The following SUMF1 variants were observed in gnomAD, a reference collection of about 807,000 sequenced individuals.
The protein encoded by SUMF1 is sulfatase modifying factor 1.
In SUMF1, 48 loss-of-function variants were observed where a neutral mutation model predicts 47.6. The observed-to-expected ratio is 1.01, with a 90% CI of 0.80 to 1.28. The LOEUF is 1.28. Ranked by LOEUF, SUMF1 falls within the 50% of genes most tolerant of loss-of-function variation. The probability of loss-of-function intolerance (pLI) is 0.00; values close to 1 mark genes in which losing one functional copy is unlikely to be tolerated. For synonymous variants in SUMF1, 230 were observed against 192.1 expected (o/e 1.20, Z -1.63); for missense variants, 571 against 485.4 (o/e 1.18, Z -1.66).
chr3:4,406,509 T>A (rs1251200934), intron 7 of SUMF1, among the ~76,000 whole-genome samples: 1 of 151,976 alleles, frequency 6.6e-6, no homozygotes, highest in Non-Finnish European at 1.5e-5. Context: ...TACAAAAAAA[T>A]TAGCTGGGTG....
At chr3:4,047,934 G>A (rs979368976) in intron 9 of SUMF1, among the ~76,000 whole-genome samples, 11 of 151,922 alleles carry the variant, frequency 7.2e-5, no homozygotes, top group African/African-American at 2.4e-4. Flanking sequence ...TCTTTACCTC[G>A]ATCCTATGGC....
At chr3:4,253,921 C>G (rs535638262) in intron 8 of SUMF1, among the ~76,000 whole-genome samples, 1 of 150,190 alleles carries the variant, frequency 6.7e-6, no homozygotes, top group East Asian at 2.0e-4. Flanking sequence ...GATCTGAGAA[C>G]TGGCAGACTG....
intron 3 of SUMF1, among the ~76,000 whole-genome samples, chr3:4,435,761 T>C (rs558203999): frequency 6.6e-6 from 1 of 152,316 alleles, no homozygotes; most frequent in South Asian, 2.1e-4. Flanking sequence ...AGAAAGGACC[T>C]GCCAGCTCAG....
intron 8 of SUMF1, among the ~76,000 whole-genome samples, chr3:4,070,687 G>A (rs1194249086): frequency 6.6e-6 from 1 of 151,884 alleles, no homozygotes; most frequent in Non-Finnish European, 1.5e-5. Context: ...CCAGGCTGGA[G>A]TGCAGTGGCG....
At chr3:4,097,944 G>C (rs1445112263) in intron 8 of SUMF1, among the ~76,000 whole-genome samples, 1 of 152,120 alleles carries the variant, frequency 6.6e-6, no homozygotes, top group African/African-American at 2.4e-5. Context: ...CAGCCTGCTG[G>C]TCTTGCTTAA....
intron 8 of SUMF1, among the ~76,000 whole-genome samples, chr3:4,306,843 G>T (rs1698209569): frequency 6.6e-6 from 1 of 152,310 alleles, no homozygotes; most frequent in Non-Finnish European, 1.5e-5. Context: ...AAGGCAAAAA[G>T]AAATTCAAAT....
chr3:4,061,669 G>T (rs1695278333), intron 9 of SUMF1, among the ~76,000 whole-genome samples: 1 of 152,082 alleles, frequency 6.6e-6, no homozygotes, highest in African/African-American at 2.4e-5. Flanking sequence ...TAATAATGGG[G>T]TGGTGGGGGA....
chr3:4,211,488 C>G (rs1435067032), intron 8 of SUMF1, among the ~76,000 whole-genome samples: 3 of 151,540 alleles, frequency 2.0e-5, no homozygotes, highest in African/African-American at 7.3e-5. Context: ...AAGAGGTAAA[C>G]ATGAAAGAGA....
intron 8 of SUMF1, among the ~76,000 whole-genome samples, chr3:4,212,294 G>A (rs928997423): frequency 1.3e-5 from 2 of 152,110 alleles, no homozygotes; most frequent in Non-Finnish European, 2.9e-5. Context: ...AAACAGCATC[G>A]GGAGTGGACC....
intron 8 of SUMF1, among the ~76,000 whole-genome samples, chr3:4,275,774 C>T (rs1697401836): frequency 1.3e-5 from 2 of 152,128 alleles, no homozygotes; most frequent in Admixed American, 6.5e-5. Flanking sequence ...ACAATGTTCT[C>T]TACATAAGGA....
intron 8 of SUMF1, chr3:4,303,560 C>T (rs886880576): frequency 7.5e-7 from 1 of 1,338,420 alleles, no homozygotes; most frequent in Non-Finnish European, 9.5e-7. Context: ...GGGAGGCGGG[C>T]GCGCGGCTCC....
At chr3:4,210,603 A>T (rs1281027832) in intron 8 of SUMF1, among the ~76,000 whole-genome samples, 1 of 152,146 alleles carries the variant, frequency 6.6e-6, no homozygotes, top group Admixed American at 6.5e-5. Flanking sequence ...TAAATTCCAC[A>T]ATGCACAAAA....
intron 8 of SUMF1, among the ~76,000 whole-genome samples, chr3:4,136,322 C>A (rs1458863153): frequency 6.6e-6 from 1 of 152,222 alleles, no homozygotes; most frequent in East Asian, 1.9e-4. Flanking sequence ...TACCACACAT[C>A]TACAACCATC....
At position 4,333,503 on chromosome 3, in the gene SUMF1, T is replaced by C. The variant is rs1431927451; in HGVS notation, c.1014+42827A>G. On this transcript the variant is annotated intron_variant and NMD_transcript_variant, in intron 8 of 12. Transcript: ENST00000448413. The stretch of plus-strand genomic sequence containing the variant: ...TAAATATGTGAGAAGCAGGTATAGC[T>C]GGAAAGCAAAACACAGGTCCCCCAA... 2.6e-5 allele frequency among the ~76,000 whole-genome samples: 4 copies of C among 152,192 alleles called. No individual in the cohort carries two copies. The East Asian group carries it at 5.8e-4, about 22-fold the overall frequency.
rs142977510 is a variant in SUMF1 at position 4,252,352 on chromosome 3, GCA to G, written c.1014+123976_1014+123977del. Among the ~76,000 whole-genome samples, 990 of 129,452 alleles carry G rather than the reference GCA, an allele frequency of 7.6e-3. 10 individuals are homozygous for G. Among genetic ancestry groups the G allele is most frequent in the African/African-American group, 0.023 (861 of 37,072 alleles). 84.9% of individuals were successfully genotyped at this position (129,452 alleles called of 152,430 possible). On this transcript the variant is annotated intron_variant and NMD_transcript_variant, in intron 8 of 12. Transcript: ENST00000448413. ...GGATTCGCTCCAAATACACACATGC[GCA>G]CACACACACACACACACACACACAC... is the stretch of plus-strand genomic sequence containing the variant.
At chr3:4,116,848 A>G (rs1442749412) in intron 8 of SUMF1, among the ~76,000 whole-genome samples, 1 of 152,164 alleles carries the variant, frequency 6.6e-6, no homozygotes, top group Non-Finnish European at 1.5e-5. Context: ...TTATCAAATC[A>G]TGAGTCCAAA....
intron 8 of SUMF1, among the ~76,000 whole-genome samples, chr3:4,150,508 G>C (rs1694294157): frequency 6.6e-6 from 1 of 150,394 alleles, no homozygotes; most frequent in South Asian, 2.1e-4. Context: ...GTTGCAGTGA[G>C]CTGAGATTGT....
intron 3 of SUMF1, among the ~76,000 whole-genome samples, 174 bp downstream of exon 3, chr3:4,449,092 T>G (rs955774771): frequency 2.6e-5 from 4 of 152,202 alleles, no homozygotes; most frequent in African/African-American, 9.6e-5. Context: ...TGTCCCATTT[T>G]CCTTAAGATA....
chr3:4,246,003 G>C (rs1190361204), intron 8 of SUMF1, among the ~76,000 whole-genome samples: 2 of 152,190 alleles, frequency 1.3e-5, no homozygotes, highest in African/African-American at 4.8e-5. Context: ...CAGCGTCCCA[G>C]GTCAATCTCA....
Sources: allele counts gnomAD v4.1 joint callset (sites outside exome capture counted in the v4.1 genomes callset), GRCh38; gene constraint gnomAD v4.1.1; transcripts MANE v1.5; gene names NCBI Gene and HGNC (gene_info 2026-07-23, HGNC 2026-07-21).